Variants in SPADH observed in about 807,000 individuals in gnomAD.
SPADH encodes spermadhesin family member, also known as CUB domain-containing protein.
At chr10:122,673,016 G>GGCTTCTTCCTTGGC in the SPADH span, 5 of 756,820 alleles carry the variant, frequency 6.6e-6, no homozygotes, top group Non-Finnish European at 8.0e-6. Context: ...TATTGCCAAG[G>GGCTTCTTCCTTGGC]AAGAAGCCCA....
At chr10:122,673,068 T>G in the SPADH span, 1 of 290,976 alleles carries the variant, frequency 3.4e-6, no homozygotes, top group Non-Finnish European at 5.1e-6. Flanking sequence ...TACAGAATGT[T>G]TCACTTAGTG....
the SPADH span, among the ~76,000 whole-genome samples, chr10:122,678,408 A>G: frequency 1.3e-5 from 2 of 152,230 alleles, no homozygotes; most frequent in Admixed American, 6.5e-5. Context: ...GGCAGGAACC[A>G]GGGAGTGGTG....
At chr10:122,679,117 T>C in the SPADH span, 1 of 610,604 alleles carries the variant, frequency 1.6e-6, no homozygotes. Flanking sequence ...TCTGCATATG[T>C]TGGACAGAGG....
chr10:122,679,088 T>A, the SPADH span: 1 of 854,534 alleles, frequency 1.2e-6, no homozygotes, highest in Non-Finnish European at 1.4e-6. Context: ...GATGCTCCCC[T>A]GCTCTGCCTG....
the SPADH span, chr10:122,678,906 CCT>C: frequency 5.1e-6 from 5 of 984,630 alleles, no homozygotes; most frequent in South Asian, 1.9e-4. Flanking sequence ...GGGTCTGAGT[CCT>C]TGGACAGGAT....
the SPADH span, among the ~76,000 whole-genome samples, chr10:122,676,166 G>T: frequency 1.3e-5 from 2 of 152,242 alleles, no homozygotes; most frequent in Non-Finnish European, 2.9e-5. Context: ...ATGCAGGGTG[G>T]CTTGTTGATT....
the SPADH span, chr10:122,675,721 ACT>A: frequency 1.2e-6 from 1 of 849,182 alleles, no homozygotes; most frequent in Admixed American, 6.2e-5. Context: ...ACACAGAGAC[ACT>A]GTTTTGGGGT....
the SPADH span, among the ~76,000 whole-genome samples, chr10:122,673,370 C>A: frequency 2.0e-5 from 3 of 152,124 alleles, no homozygotes; most frequent in African/African-American, 7.2e-5. Flanking sequence ...TAACTGTGGC[C>A]CTTGGGGGAG....
the SPADH span, among the ~76,000 whole-genome samples, chr10:122,677,295 A>G: frequency 8.5e-5 from 13 of 152,234 alleles, no homozygotes; most frequent in South Asian, 2.7e-3. Flanking sequence ...AAGGGTTTTC[A>G]TGTTGTATTT....
chr10:122,673,483 G>A, the SPADH span, among the ~76,000 whole-genome samples: 1 of 152,184 alleles, frequency 6.6e-6, no homozygotes, highest in South Asian at 2.1e-4. Context: ...CGCTGGCTGG[G>A]AGTGCCTGGA....
the SPADH span, among the ~76,000 whole-genome samples, chr10:122,673,439 A>G: frequency 6.6e-6 from 1 of 152,068 alleles, no homozygotes; most frequent in African/African-American, 2.4e-5. Flanking sequence ...CTGCTGCAGC[A>G]ACTTCGGGAG....
the SPADH span, among the ~76,000 whole-genome samples, chr10:122,677,044 A>G: frequency 1.1e-4 from 16 of 152,136 alleles, no homozygotes; most frequent in African/African-American, 1.2e-4. Flanking sequence ...AAAGCTTTTC[A>G]CTGGCTCGTT....
chr10:122,676,407 A>G, the SPADH span, among the ~76,000 whole-genome samples: 1 of 152,236 alleles, frequency 6.6e-6, no homozygotes, highest in Admixed American at 6.5e-5. Flanking sequence ...CTGCCCTAAG[A>G]AAAGATCTGT....
At chr10:122,679,306 T>C in the SPADH span, among the ~76,000 whole-genome samples, 1 of 152,152 alleles carries the variant, frequency 6.6e-6, no homozygotes, top group Non-Finnish European at 1.5e-5. Flanking sequence ...TTATCTTTCC[T>C]GTCTTCTTGA....
chr10:122,679,134 C>T, the SPADH span: 1 of 427,862 alleles, frequency 2.3e-6, no homozygotes, highest in African/African-American at 2.2e-5. Flanking sequence ...GAGGCTATAC[C>T]TGGGACTGCA....
At chr10:122,677,242 G>A in the SPADH span, among the ~76,000 whole-genome samples, 2 of 152,066 alleles carry the variant, frequency 1.3e-5, no homozygotes, top group Non-Finnish European at 2.9e-5. Flanking sequence ...CCTCTGCCTG[G>A]AATGCATCCT....
the SPADH span, among the ~76,000 whole-genome samples, chr10:122,677,964 G>A: frequency 1.3e-5 from 2 of 152,178 alleles, no homozygotes; most frequent in Non-Finnish European, 2.9e-5. Flanking sequence ...CCAGCGGGAT[G>A]GGCGGCTGTG....
the SPADH span, chr10:122,676,969 C>A: frequency 1.1e-6 from 1 of 916,816 alleles, no homozygotes; most frequent in African/African-American, 1.8e-5. Flanking sequence ...TCATATGGTT[C>A]ACCTTCCACC....
chr10:122,673,014 A>T, the SPADH span: 4 of 760,756 alleles, frequency 5.3e-6, no homozygotes, highest in Non-Finnish European at 6.4e-6. Flanking sequence ...CTTATTGCCA[A>T]GGAAGAAGCC....
Sources: allele counts gnomAD v4.1 joint callset (sites outside exome capture counted in the v4.1 genomes callset), GRCh38; gene constraint gnomAD v4.1.1; transcripts MANE v1.5; gene names NCBI Gene and HGNC (gene_info 2026-07-23, HGNC 2026-07-21).